HNRNPC: variants seen among roughly 807,000 people sequenced by gnomAD.
HNRNPC encodes the protein heterogeneous nuclear ribonucleoprotein C, also known as heterogeneous nuclear ribonucleoproteins C1/C2.
In HNRNPC, 3 loss-of-function variants were observed where a neutral mutation model predicts 33.2. That is an observed-to-expected ratio of 0.09 (90% CI 0.04 to 0.23). The LOEUF (loss-of-function observed/expected upper bound fraction) is 0.23. Among genes scored for constraint, HNRNPC ranks in the 10% least tolerant of loss-of-function variants. The pLI, the probability that HNRNPC is intolerant of heterozygous loss-of-function variation, is 1.00. For missense variants in HNRNPC, 143 were observed against 366.7 expected, an observed-to-expected ratio of 0.39 and a Z score of 4.98; for synonymous variants, 121 against 126.7, an observed-to-expected ratio of 0.96 and a Z score of 0.30.
chr14:21,268,757 C>G (rs1340731506), intron 1 of HNRNPC: 1 of 152,182 alleles, frequency 6.6e-6, no homozygotes, highest in African/African-American at 2.4e-5. Context: ...CTACTTCGAG[C>G]TCCATCATTT....
intron 5 of HNRNPC, among the ~76,000 whole-genome samples, chr14:21,229,246 C>T (rs549129706): frequency 1.6e-4 from 24 of 151,768 alleles, no homozygotes; most frequent in African/African-American, 4.3e-4. Context: ...AAAAATTAGC[C>T]GGGTGTGGTG....
rs901955899 is a variant in HNRNPC at position 21,231,296 on chromosome 14, G to A, written c.242-224C>T. On this transcript the variant is annotated intron_variant, in intron 3 of 8. Transcript: ENST00000553300. ...CTACAGGCGGGCACCACCATGCCCA[G>A]CTAATACAAACTACGAAGTTTAGAA... 4 of 646,930 alleles carry A rather than the reference G, an allele frequency of 6.2e-6. No individual in the cohort carries two copies. The African/African-American group carries it at 7.1e-5, about 12-fold the overall frequency. The allele number at this position is 646,930 out of a possible 1,614,324, so 40.1% of individuals were successfully genotyped here.
chr14:21,215,990 C>T (rs764207220), intron 5 of HNRNPC, among the ~76,000 whole-genome samples: 1 of 149,958 alleles, frequency 6.7e-6, no homozygotes, highest in Non-Finnish European at 1.5e-5. Context: ...CAGTGGCACA[C>T]CTGTAATCCC....
At chr14:21,255,809 C>A (rs1877084274) in intron 2 of HNRNPC, among the ~76,000 whole-genome samples, 1 of 152,138 alleles carries the variant, frequency 6.6e-6, no homozygotes, top group Non-Finnish European at 1.5e-5. Context: ...AAAACAAATT[C>A]TACAGTTGGT....
chr14:21,212,709 A>T (rs940100368), intron 6 of HNRNPC, among the ~76,000 whole-genome samples: 1 of 151,926 alleles, frequency 6.6e-6, no homozygotes, highest in African/African-American at 2.4e-5. Flanking sequence ...TCCCCGGCAA[A>T]TTTTTTGTAT....
intron 5 of HNRNPC, among the ~76,000 whole-genome samples, chr14:21,228,980 G>A (rs907941563): frequency 6.6e-6 from 1 of 151,542 alleles, no homozygotes; most frequent in Non-Finnish European, 1.5e-5. Flanking sequence ...AGCTACTTGG[G>A]AGGCTGAGGC....
At chr14:21,264,425 GA>G (rs1276362389) in intron 1 of HNRNPC, 2 of 151,784 alleles carry the variant, frequency 1.3e-5, no homozygotes, top group Admixed American at 6.6e-5. Context: ...AATACAGATG[GA>G]ATTAAAAAAA....
chr14:21,230,851 T>C (rs1229570613), intron 4 of HNRNPC, 146 bp downstream of exon 4: 4 of 840,674 alleles, frequency 4.8e-6, no homozygotes, highest in Middle Eastern at 4.7e-4. Flanking sequence ...ACCTTATTTA[T>C]ACACAGATAA....
chr14:21,259,044 A>C (rs746518995), intron 2 of HNRNPC, among the ~76,000 whole-genome samples: 1 of 152,098 alleles, frequency 6.6e-6, no homozygotes, highest in Non-Finnish European at 1.5e-5. Context: ...CTTAAACAAG[A>C]CCCTCTAAGG....
intron 5 of HNRNPC, among the ~76,000 whole-genome samples, chr14:21,221,492 G>A (rs1382266691): frequency 6.6e-6 from 1 of 152,134 alleles, no homozygotes; most frequent in Non-Finnish European, 1.5e-5. Context: ...AATTACCAGA[G>A]TCCAGTAATC....
At chr14:21,255,147 G>C (rs879547806) in intron 2 of HNRNPC, among the ~76,000 whole-genome samples, 2 of 152,152 alleles carry the variant, frequency 1.3e-5, no homozygotes, top group Non-Finnish European at 2.9e-5. Context: ...ATTTTAGTTA[G>C]AGGACTGGAG....
chr14:21,253,461 CAAAAAAAAAAAAAAA>C (rs71112561), intron 2 of HNRNPC, among the ~76,000 whole-genome samples: 1 of 77,278 alleles, frequency 1.3e-5, no homozygotes, highest in African/African-American at 5.2e-5. Flanking sequence ...GACTCCATCT[CAAAAAAAAAAAAAAA>C]AAAAAAAAAG....
intron 3 of HNRNPC, 132 bp from the exon 4 acceptor site, chr14:21,231,204 G>T: frequency 1.2e-6 from 1 of 853,362 alleles, no homozygotes; most frequent in Non-Finnish European, 1.9e-6. Flanking sequence ...GTGTCACCTT[G>T]GCTCACTGAA....
intron 5 of HNRNPC, among the ~76,000 whole-genome samples, chr14:21,223,717 G>A (rs925382163): frequency 6.6e-6 from 1 of 152,056 alleles, no homozygotes; most frequent in African/African-American, 2.4e-5. Context: ...CACTGCACTC[G>A]AGCCTGGGCA....
At chr14:21,224,683 G>A (rs1416184108) in intron 5 of HNRNPC, among the ~76,000 whole-genome samples, 1 of 151,922 alleles carries the variant, frequency 6.6e-6, no homozygotes, top group Non-Finnish European at 1.5e-5. Context: ...ACCATCTATA[G>A]GACACAATCC....
At position 21,211,481 on chromosome 14, in the gene HNRNPC, C is replaced by T. The variant is rs772018712; in HGVS notation, c.723G>A (p.Glu241=). 18 of 1,613,370 alleles carry T rather than the reference C, an allele frequency of 1.1e-5. No individual in the cohort carries two copies. In the Admixed American group the frequency reaches 2.7e-4, roughly 24 times the overall value. Residue 241 remains glutamate, a synonymous_variant, in exon 8 of 9, where the codon GAG becomes GAA. Coordinates refer to ENST00000553300, the MANE Select transcript of HNRNPC (RefSeq NM_004500.4). ...KDETNVKMES[E]GGADDSAEEG... ...CCTCAGCAGAGTCATCTGCACCCCC[C>T]TCAGACTCCATCTTCACATTAGTCT...
intron 2 of HNRNPC, 23 bp from the exon 3 acceptor site, chr14:21,234,252 C>T: frequency 6.4e-7 from 1 of 1,574,706 alleles, no homozygotes; most frequent in East Asian, 2.2e-5. Flanking sequence ...AAAAAGTATA[C>T]AGGTGAACAG....
intron 2 of HNRNPC, among the ~76,000 whole-genome samples, chr14:21,243,434 T>A (rs375824120): frequency 6.6e-6 from 1 of 152,176 alleles, no homozygotes; most frequent in East Asian, 1.9e-4. Flanking sequence ...TATGTATGTA[T>A]ATATTGTGTT....
chr14:21,240,022 C>T (rs1405237899), intron 2 of HNRNPC, among the ~76,000 whole-genome samples: 2 of 152,132 alleles, frequency 1.3e-5, no homozygotes, highest in African/African-American at 4.8e-5. Flanking sequence ...CACAAAAGAC[C>T]TGTTTTACCT....
Sources: allele counts gnomAD v4.1 joint callset (sites outside exome capture counted in the v4.1 genomes callset), GRCh38; gene constraint gnomAD v4.1.1; transcripts MANE v1.5; gene names NCBI Gene and HGNC (gene_info 2026-07-23, HGNC 2026-07-21).